The following MBTPS1 variants were observed in gnomAD, a reference collection of about 807,000 sequenced individuals.
The protein encoded by MBTPS1 is membrane bound transcription factor peptidase, site 1, also known as membrane-bound transcription factor site-1 protease.
MBTPS1 carries 94 observed loss-of-function variants against 127.8 expected under a neutral mutation model. That is an observed-to-expected ratio of 0.74 (90% CI 0.62 to 0.87). MBTPS1 has a LOEUF of 0.87. MBTPS1 is among the 40% of genes least tolerant of loss of function. The pLI, the probability that MBTPS1 is intolerant of heterozygous loss-of-function variation, is 0.00. For synonymous variants in MBTPS1, 632 were observed against 509.4 expected, an observed-to-expected ratio of 1.24 and a Z score of -3.24; for missense variants, 1,636 against 1,353.2, an observed-to-expected ratio of 1.21 and a Z score of -3.28.
chr16:84,093,398 T>C (rs1442589794), intron 5 of MBTPS1, 101 bp from the exon 6 acceptor site: 1 of 824,102 alleles, frequency 1.2e-6, no homozygotes, highest in Admixed American at 1.9e-5. Flanking sequence ...CATTTCCAAG[T>C]GCTGGATAGA....
chr16:84,073,867 G>T (rs1026856631), intron 12 of MBTPS1, among the ~76,000 whole-genome samples: 3 of 152,032 alleles, frequency 2.0e-5, no homozygotes, highest in African/African-American at 7.2e-5. Flanking sequence ...TTAGCCAGAC[G>T]TGGTGGCAGG....
intron 19 of MBTPS1, 61 bp from the exon 20 acceptor site, chr16:84,060,874 C>A: frequency 6.7e-7 from 1 of 1,500,268 alleles, no homozygotes; most frequent in South Asian, 1.3e-5. Flanking sequence ...GAGTCACGCT[C>A]TTGTCACCCA....
At chr16:84,063,179 G>C (rs1250865493) in intron 19 of MBTPS1, 126 bp downstream of exon 19, 2 of 975,504 alleles carry the variant, frequency 2.1e-6, no homozygotes, top group Admixed American at 2.3e-5. Context: ...AACATCTCCA[G>C]CTGAGCCTGG....
chr16:84,099,443 A>G (rs2086224496), intron 2 of MBTPS1, 133 bp from the exon 3 acceptor site: 2 of 899,524 alleles, frequency 2.2e-6, no homozygotes, highest in Non-Finnish European at 1.6e-6. Flanking sequence ...GAAAACACAA[A>G]GACTAGTTTA....
At chr16:84,072,336 T>C (rs1013636694) in intron 12 of MBTPS1, among the ~76,000 whole-genome samples, 2 of 151,644 alleles carry the variant, frequency 1.3e-5, no homozygotes, top group South Asian at 4.2e-4. Context: ...TGGCTGATAA[T>C]GGGTATAAGG....
In MBTPS1 at chr16:84,053,944, G is replaced by A. The variant is rs1318982500; in HGVS notation, c.*505C>T. On this transcript the variant is annotated 3_prime_UTR_variant, in exon 23 of 23. Coordinates refer to ENST00000343411, the MANE Select transcript of MBTPS1 (RefSeq NM_003791.4). ...TCTCAGTCTGTACTGTCATTAAAAA[G>A]ATCATGGAATCTATGTTGTTCCTCA... The A allele has an allele frequency of 6.5e-6, 1 of 152,754 alleles. No individual in the cohort carries two copies. The highest frequency in any genetic ancestry group is 1.5e-5 in the Non-Finnish European group (1 of 68,252). The allele number at this position is 152,754 out of a possible 1,614,324, so 9.5% of individuals were successfully genotyped here. A position where few individuals can be genotyped will look rare whatever the true frequency, so the allele number is the denominator to read the frequency against.
At chr16:84,055,713 C>T (rs888950626) in intron 22 of MBTPS1, among the ~76,000 whole-genome samples, 3 of 152,208 alleles carry the variant, frequency 2.0e-5, no homozygotes, top group Non-Finnish European at 4.4e-5. Context: ...TCATAAAGAG[C>T]GTGCAAGTTA....
Position 84,070,729 on chromosome 16 carries a change from A to C in MBTPS1, c.1641T>G (p.Val547=), listed in dbSNP as rs2085758773. ...ATAAGACCGAGGAGTAGGAGAAGGC[A>C]ACTTCAATGTTGTCTCCGTTCTGTG... is the stretch of plus-strand genomic sequence containing the variant. ...YLPQNGDNIE[V]AFSYSSVLWP... Residue 547 remains valine, a synonymous_variant, in exon 13 of 23, where the codon GTT becomes GTG. Coordinates refer to ENST00000343411, the MANE Select transcript of MBTPS1 (RefSeq NM_003791.4). 6.2e-7 allele frequency: 1 copy of C among 1,614,138 alleles called. No individual in the cohort carries two copies. The highest frequency in any genetic ancestry group is 1.1e-5 in the South Asian group (1 of 91,084).
intron 10 of MBTPS1, among the ~76,000 whole-genome samples, chr16:84,083,318 C>T (rs531860507): frequency 3.9e-5 from 6 of 152,220 alleles, no homozygotes; most frequent in Non-Finnish European, 5.9e-5. Flanking sequence ...AGGAAAACAA[C>T]GGCAAGAGAA....
chr16:84,096,881 T>C (rs2086185960), intron 3 of MBTPS1, among the ~76,000 whole-genome samples: 1 of 152,226 alleles, frequency 6.6e-6, no homozygotes, highest in Non-Finnish European at 1.5e-5. Context: ...CCTGCTCTGC[T>C]TGACCCTGCA....
intron 8 of MBTPS1, among the ~76,000 whole-genome samples, chr16:84,089,280 G>A (rs919633640): frequency 6.6e-6 from 1 of 152,226 alleles, no homozygotes; most frequent in Non-Finnish European, 1.5e-5. Flanking sequence ...ACCTGTTTTT[G>A]CAAATACAGC....
At chr16:84,099,606 A>T (rs1297641231) in intron 2 of MBTPS1, among the ~76,000 whole-genome samples, 2 of 152,094 alleles carry the variant, frequency 1.3e-5, no homozygotes, top group African/African-American at 4.8e-5. Flanking sequence ...CAACATAGTG[A>T]AACCCCATCT....
intron 1 of MBTPS1, chr16:84,109,520 G>C (rs562809660): frequency 3.9e-5 from 6 of 152,326 alleles, no homozygotes; most frequent in African/African-American, 7.2e-5. Context: ...CCAGGTCTAC[G>C]AGAGCAGATG....
Position 84,090,899 on chromosome 16 carries a change from A to C in MBTPS1, c.1007T>G (p.Ile336Ser). The C allele has an allele frequency of 6.2e-7, 1 of 1,613,654 alleles. No individual in the cohort carries two copies. The highest frequency in any genetic ancestry group is 8.5e-7 in the Non-Finnish European group (1 of 1,179,790). ...TANNVIMVSA[I>S]GNDGPLYGTL... ...CCCATAAAGAGGTCCGTCATTGCCA[A>C]TAGCAGAAACCATGATTACATTGTT... Residue 336 changes from isoleucine to serine, a missense_variant, in exon 8 of 23, where the codon ATT (isoleucine) becomes AGT (serine). Ile to Ser is a moderately radical substitution (Grantham distance 142). Coordinates refer to ENST00000343411, the MANE Select transcript of MBTPS1 (RefSeq NM_003791.4).
rs760960275 is a variant in MBTPS1 at position 84,059,371 on chromosome 16, G to A, written c.2762C>T (p.Pro921Leu). The change falls in exon 21 of 23, where the codon CCT becomes CTT. Residue 921 changes from proline to leucine, a missense_variant. By Grantham distance (98) the Pro-to-Leu change is moderately conservative (BLOSUM62 -3). Coordinates refer to ENST00000343411, the MANE Select transcript of MBTPS1 (RefSeq NM_003791.4). ...VLEAHLGDPK[P>L]RPLPACPRLS... ...GCGTGGACAGGCTGGTAGAGGCCGA[G>A]GTTTTGGGTCTCCCAAATGGGCCTC... The A allele has an allele frequency of 3.2e-5, 51 of 1,614,070 alleles. No individual in the cohort carries two copies. Among genetic ancestry groups the A allele is most frequent in the Non-Finnish European group, 4.1e-5 (48 of 1,180,018 alleles).
Position 84,081,806 on chromosome 16 carries a change from G to A in MBTPS1, c.1389C>T (p.His463=), listed in dbSNP as rs145408705. The A allele has an allele frequency of 9.8e-6, 15 of 1,530,474 alleles. No homozygotes were observed. The highest frequency in any genetic ancestry group is 2.1e-5 in the Admixed American group (1 of 47,660). The allele number at this position is 1,530,474 out of a possible 1,614,324, so 94.8% of individuals were successfully genotyped here. A position where few individuals can be genotyped will look rare whatever the true frequency, so the allele number is the denominator to read the frequency against. Residue 463 remains histidine, a synonymous_variant, in exon 11 of 23, where the codon CAC becomes CAT. Coordinates refer to ENST00000343411, the MANE Select transcript of MBTPS1 (RefSeq NM_003791.4). ...LPGVNMFEQG[H]GKLDLLRAYQ... ...AGGCTCTGAGCAGATCGAGCTTGCC[G>A]TGGCCTTGCTCAAACATGTTGACCC... is the stretch of plus-strand genomic sequence containing the variant.
intron 3 of MBTPS1, among the ~76,000 whole-genome samples, chr16:84,096,380 G>C (rs989425065): frequency 1.3e-5 from 2 of 152,188 alleles, no homozygotes; most frequent in African/African-American, 4.8e-5. Flanking sequence ...GAGGGTGATG[G>C]AATTATTCCA....
Position 84,095,912 on chromosome 16 carries a change from T to C in MBTPS1, c.422-107A>G, listed in dbSNP as rs1053833327. The C allele has an allele frequency of 8.5e-6, 7 of 819,734 alleles. No homozygotes were observed. In the African/African-American group the frequency reaches 1.2e-4, roughly 14 times the overall value. 50.8% of individuals were successfully genotyped at this position (819,734 alleles called of 1,614,324 possible). On this transcript the variant is annotated intron_variant, in intron 3 of 22. Transcript: ENST00000343411. ...CAGGGAGGATTACCATTTGCCACTC[T>C]GTTTGAAGGAAAGTGGGATTATCTT...
chr16:84,081,670 G>C, intron 11 of MBTPS1, 77 bp downstream of exon 11: 7 of 1,143,772 alleles, frequency 6.1e-6, no homozygotes, highest in South Asian at 6.7e-5. Context: ...TTTGAGGCTT[G>C]TATTTTGTGC....
Sources: allele counts gnomAD v4.1 joint callset (sites outside exome capture counted in the v4.1 genomes callset), GRCh38; gene constraint gnomAD v4.1.1; transcripts MANE v1.5; gene names NCBI Gene and HGNC (gene_info 2026-07-23, HGNC 2026-07-21).